Variants in ILRUN observed in about 807,000 individuals in gnomAD.
ILRUN encodes the protein protein ILRUN.
Under a neutral mutation model 33.8 loss-of-function variants are expected in ILRUN, and 3 were observed. That is an observed-to-expected ratio of 0.09 (90% CI 0.04 to 0.23). The LOEUF is 0.23. Ranked by LOEUF, ILRUN falls within the 10% of genes least tolerant of loss-of-function variation. ILRUN has a pLI of 1.00. For missense variants in ILRUN, 210 were observed against 375.1 expected, an observed-to-expected ratio of 0.56 and a Z score of 3.64; for synonymous variants, 124 against 138.9, an observed-to-expected ratio of 0.89 and a Z score of 0.75.
At chr6:34,680,139 C>T (rs1763329399) in intron 1 of ILRUN, among the ~76,000 whole-genome samples, 1 of 152,246 alleles carries the variant, frequency 6.6e-6, no homozygotes, top group African/African-American at 2.4e-5. Flanking sequence ...CCATTTCCAC[C>T]CATGTGACTT....
At chr6:34,668,059 AT>A (rs1447206700) in intron 1 of ILRUN, among the ~76,000 whole-genome samples, 1 of 152,186 alleles carries the variant, frequency 6.6e-6, no homozygotes, top group East Asian at 1.9e-4. Flanking sequence ...CCCAGGATAT[AT>A]TTGCTGAAGG....
rs201444562 is a variant in ILRUN, at chr6:34,683,525, TATAC to T, written c.158+12917_158+12920del. On this transcript the variant is annotated intron_variant, in intron 1 of 4. Coordinates refer to ENST00000374023, the MANE Select transcript of ILRUN (RefSeq NM_024294.4). ...ATATATATATATATACATATATATA[TATAC>T]ATATTGCACAGAATATTCTGTGCAA... 4.6e-3 allele frequency among the ~76,000 whole-genome samples: 602 copies of T among 131,194 alleles called. 33 individuals are homozygous for T. Among genetic ancestry groups the T allele is most frequent in the African/African-American group, 0.018 (569 of 32,102 alleles). 86.1% of individuals were successfully genotyped at this position (131,194 alleles called of 152,430 possible). A position where few individuals can be genotyped will look rare whatever the true frequency, so the allele number is the denominator to read the frequency against.
intron 3 of ILRUN, among the ~76,000 whole-genome samples, chr6:34,639,000 T>A (rs903984686): frequency 4.6e-5 from 7 of 152,162 alleles, no homozygotes; most frequent in African/African-American, 1.7e-4. Context: ...TTTTGTAACA[T>A]GATGTTACTA....
At chr6:34,685,587 T>TCC (rs1763499208) in intron 1 of ILRUN, 1 of 152,062 alleles carries the variant, frequency 6.6e-6, no homozygotes, top group African/African-American at 2.4e-5. Context: ...CAAGCAATCC[T>TCC]CCCGCCTCAG....
intron 1 of ILRUN, among the ~76,000 whole-genome samples, chr6:34,691,051 AT>A (rs557286071): frequency 1.3e-4 from 19 of 149,228 alleles, no homozygotes; most frequent in African/African-American, 3.2e-4. Context: ...GGCCTGGCTA[AT>A]TTTTTTTTTG....
rs1163256525 is a variant in ILRUN at position 34,590,181 on chromosome 6, A to G, written c.*384T>C. On this transcript the variant is annotated 3_prime_UTR_variant, in exon 5 of 5. Coordinates refer to ENST00000374023, the MANE Select transcript of ILRUN (RefSeq NM_024294.4). Reference sequence around the variant, plus strand: ...AGTGGGGAAAGAGGGAAAAAAATTAACATGTGCTCAAAACTACAACCTTTC... The same window carrying G: ...AGTGGGGAAAGAGGGAAAAAAATTAGCATGTGCTCAAAACTACAACCTTTC... The G allele has an allele frequency of 4.2e-5, 7 of 167,232 alleles. No homozygotes were observed. Among genetic ancestry groups the G allele is most frequent in the Admixed American group, 4.0e-4 (7 of 17,518 alleles). The allele number at this position is 167,232 out of a possible 1,614,324, so 10.4% of individuals were successfully genotyped here. A position where few individuals can be genotyped will look rare whatever the true frequency, so the allele number is the denominator to read the frequency against.
At chr6:34,643,553 A>G (rs1762513385) in intron 3 of ILRUN, among the ~76,000 whole-genome samples, 1 of 152,136 alleles carries the variant, frequency 6.6e-6, no homozygotes, top group Admixed American at 6.5e-5. Flanking sequence ...TCTTCAGTTA[A>G]TAATGTAAAA....
intron 1 of ILRUN, among the ~76,000 whole-genome samples, chr6:34,676,957 G>A (rs143201365): frequency 3.4e-4 from 51 of 149,976 alleles, no homozygotes; most frequent in African/African-American, 1.2e-3. Flanking sequence ...TCCGCTTCTC[G>A]GAATTTGCCC....
intron 1 of ILRUN, among the ~76,000 whole-genome samples, chr6:34,661,495 T>C (rs1364349026): frequency 6.6e-6 from 1 of 152,164 alleles, no homozygotes; most frequent in Non-Finnish European, 1.5e-5. Flanking sequence ...AGAAAGTTTC[T>C]CTCATAGTAT....
chr6:34,601,977 G>C (rs1761519067), intron 4 of ILRUN, among the ~76,000 whole-genome samples: 1 of 152,188 alleles, frequency 6.6e-6, no homozygotes, highest in African/African-American at 2.4e-5. Context: ...GATGGCTCTG[G>C]AGGAGCGGGA....
chr6:34,668,612 A>G (rs1156357933), intron 1 of ILRUN, among the ~76,000 whole-genome samples: 3 of 152,214 alleles, frequency 2.0e-5, no homozygotes, highest in Non-Finnish European at 4.4e-5. Context: ...AAAAGATCAC[A>G]AAAACAGTCA....
In ILRUN at chr6:34,682,473, C is replaced by T. The variant is rs574039987; in HGVS notation, c.158+13973G>A. Among the ~76,000 whole-genome samples the T allele has an allele frequency of 4.1e-3, 615 of 151,188 alleles. 5 individuals carry two copies. The highest frequency in any genetic ancestry group is 0.014 in the African/African-American group (567 of 41,174). ...CACGGTTTCACCATATTAGCCAGGACGGTCTCGATCTCCTGACCTCGTGAT... is the reference window on the plus strand; with the variant it reads ...CACGGTTTCACCATATTAGCCAGGATGGTCTCGATCTCCTGACCTCGTGAT... On this transcript the variant is annotated intron_variant, in intron 1 of 4. Coordinates refer to ENST00000374023, the MANE Select transcript of ILRUN (RefSeq NM_024294.4).
intron 2 of ILRUN, among the ~76,000 whole-genome samples, chr6:34,653,010 C>T (rs1762699111): frequency 6.6e-6 from 1 of 151,106 alleles, no homozygotes. Flanking sequence ...AGGCATGGTG[C>T]GGTGGCTCAC....
At chr6:34,606,975 A>G (rs548568403) in intron 3 of ILRUN, 71 bp from the exon 4 acceptor site, 98 of 1,133,534 alleles carry the variant, frequency 8.6e-5, no homozygotes, top group Non-Finnish European at 1.1e-4. Flanking sequence ...ACCACCAAAA[A>G]CCCCAAACAT....
chr6:34,654,887 G>A, intron 1 of ILRUN, 108 bp from the exon 2 acceptor site: 1 of 1,084,666 alleles, frequency 9.2e-7, no homozygotes, highest in Non-Finnish European at 1.3e-6. Flanking sequence ...CAGAACCTGA[G>A]GCTCCTGGTA....
chr6:34,614,456 A>AT (rs1554183809), intron 3 of ILRUN, among the ~76,000 whole-genome samples: 3,357 of 138,778 alleles, frequency 0.024, 87 homozygotes, highest in Non-Finnish European at 0.032. Flanking sequence ...ATATATATAT[A>AT]AAATGTATAT....
chr6:34,613,481 T>C (rs1333770056), intron 3 of ILRUN, among the ~76,000 whole-genome samples: 1 of 152,142 alleles, frequency 6.6e-6, no homozygotes, highest in Admixed American at 6.6e-5. Context: ...AATAAAATAG[T>C]AAAAATCAGT....
intron 3 of ILRUN, among the ~76,000 whole-genome samples, chr6:34,611,325 G>T (rs917541825): frequency 6.6e-6 from 1 of 151,928 alleles, no homozygotes; most frequent in African/African-American, 2.4e-5. Context: ...CTATTGCTCA[G>T]CTCTGTACAT....
At chr6:34,630,477 G>A (rs1158016561) in intron 3 of ILRUN, among the ~76,000 whole-genome samples, 1 of 151,800 alleles carries the variant, frequency 6.6e-6, no homozygotes, top group Non-Finnish European at 1.5e-5. Flanking sequence ...TCCGCCTCCT[G>A]GGTTCAAACG....
Sources: allele counts gnomAD v4.1 joint callset (sites outside exome capture counted in the v4.1 genomes callset), GRCh38; gene constraint gnomAD v4.1.1; transcripts MANE v1.5; gene names NCBI Gene and HGNC (gene_info 2026-07-23, HGNC 2026-07-21).